The following DISC1 variants were observed in gnomAD, a reference collection of about 807,000 sequenced individuals.
DISC1 encodes the protein disrupted in schizophrenia 1 protein.
DISC1 carries 57 observed loss-of-function variants against 84.5 expected under a neutral mutation model. The observed-to-expected ratio is 0.67, with a 90% CI of 0.55 to 0.84. The LOEUF is 0.84. Ranked by LOEUF, DISC1 falls within the 40% of genes least tolerant of loss-of-function variation. The pLI is 0.00. For missense variants in DISC1, 1,000 were observed against 1,057.8 expected (o/e 0.95, Z 0.76); for synonymous variants, 411 against 415.2 (o/e 0.99, Z 0.12).
At chr1:232,026,674 C>G in intron 12 of DISC1, 122 bp downstream of exon 12, 3 of 702,008 alleles carry the variant, frequency 4.3e-6, no homozygotes, top group African/African-American at 1.8e-5. Flanking sequence ...ATTTATAGCA[C>G]AGAGCACCTC....
chr1:232,020,314 C>T (rs1668847342), intron 11 of DISC1, among the ~76,000 whole-genome samples: 2 of 152,066 alleles, frequency 1.3e-5, no homozygotes, highest in Admixed American at 6.6e-5. Flanking sequence ...TGCACTCCAG[C>T]CTGGGCAACA....
Position 231,897,929 on chromosome 1 carries a change from A to G in DISC1, c.1982-60899A>G, listed in dbSNP as rs2087834157. On this transcript the variant is annotated intron_variant, in intron 9 of 12. Transcript: ENST00000439617. This position sits in a 1 kb window ranked among gnomAD's most constrained non-coding sequence, Gnocchi z 4.5. ...TGGGGCAGGGGAGAGGTGGCCCTCGATTAAATATATACGAGCAAGTATTTA... is the reference window on the plus strand; with the variant it reads ...TGGGGCAGGGGAGAGGTGGCCCTCGGTTAAATATATACGAGCAAGTATTTA... Among the ~76,000 whole-genome samples the G allele has an allele frequency of 6.6e-6, 1 of 152,210 alleles. No individual in the cohort carries two copies. The highest frequency in any genetic ancestry group is 6.5e-5 in the Admixed American group (1 of 15,274).
At chr1:231,726,605 T>G (rs1212983243) in intron 3 of DISC1, among the ~76,000 whole-genome samples, 1 of 152,080 alleles carries the variant, frequency 6.6e-6, no homozygotes, top group African/African-American at 2.4e-5. Context: ...CGGGCTGTAT[T>G]CCCTCCCTAC....
chr1:231,681,687 A>T (rs1328205929), intron 1 of DISC1, among the ~76,000 whole-genome samples: 1 of 152,086 alleles, frequency 6.6e-6, no homozygotes, highest in Non-Finnish European at 1.5e-5. Flanking sequence ...ACAGGAGAAT[A>T]GGCATAGACA....
intron 9 of DISC1, among the ~76,000 whole-genome samples, chr1:231,892,091 C>T (rs2087275541): frequency 2.0e-5 from 3 of 152,134 alleles, no homozygotes; most frequent in Admixed American, 1.3e-4. Flanking sequence ...CAGTTGCTGG[C>T]ATTGATTGCT....
At chr1:231,657,493 C>A (rs956649646) in intron 1 of DISC1, among the ~76,000 whole-genome samples, 2 of 152,048 alleles carry the variant, frequency 1.3e-5, no homozygotes, top group African/African-American at 4.8e-5. Context: ...TAATTAGATA[C>A]CATTTGTAGG....
chr1:231,955,486 CTTTTTTTT>C (rs200610198), intron 9 of DISC1, among the ~76,000 whole-genome samples: 2 of 133,322 alleles, frequency 1.5e-5, no homozygotes, highest in Admixed American at 7.6e-5. Flanking sequence ...TCATTCTTGA[CTTTTTTTT>C]TTTTTTTTTT....
chr1:231,915,995 G>A (rs1337356068), intron 9 of DISC1, among the ~76,000 whole-genome samples: 1 of 152,106 alleles, frequency 6.6e-6, no homozygotes, highest in Non-Finnish European at 1.5e-5. Flanking sequence ...TGCAGGGGGT[G>A]GATTATACAG....
At chr1:231,665,174 T>G (rs952988258) in intron 1 of DISC1, among the ~76,000 whole-genome samples, 2 of 152,218 alleles carry the variant, frequency 1.3e-5, no homozygotes, top group African/African-American at 4.8e-5. Flanking sequence ...CCACCTACAT[T>G]GCTATTGTGG....
chr1:231,768,249 G>A (rs1183816945), intron 5 of DISC1, among the ~76,000 whole-genome samples: 2 of 152,160 alleles, frequency 1.3e-5, no homozygotes, highest in African/African-American at 4.8e-5. Context: ...GACTTCATGG[G>A]AAGAGCATAG....
intron 9 of DISC1, chr1:231,941,196 G>T (rs2091318753): frequency 6.6e-6 from 1 of 152,178 alleles, no homozygotes; most frequent in Admixed American, 6.5e-5. Context: ...GAGTTTTTGG[G>T]CTTCTTGCAG....
At chr1:231,729,476 T>A (rs2071224625) in intron 3 of DISC1, among the ~76,000 whole-genome samples, 1 of 152,222 alleles carries the variant, frequency 6.6e-6, no homozygotes, top group Non-Finnish European at 1.5e-5. Context: ...CATTGCTCTT[T>A]ATTAGTTATT....
At chr1:231,657,423 T>A (rs1311325529) in intron 1 of DISC1, among the ~76,000 whole-genome samples, 1 of 152,174 alleles carries the variant, frequency 6.6e-6, no homozygotes, top group Non-Finnish European at 1.5e-5. Flanking sequence ...GCTGGATGTA[T>A]GTCTTCTTTT....
intron 9 of DISC1, 25 bp downstream of exon 9, chr1:231,818,542 G>T (rs771685874): frequency 6.2e-7 from 1 of 1,613,502 alleles, no homozygotes; most frequent in Non-Finnish European, 8.5e-7. Context: ...ACTGTTCCCC[G>T]GCAAGATATT....
chr1:231,757,023 G>T (rs1165377843), intron 4 of DISC1, among the ~76,000 whole-genome samples: 1 of 152,144 alleles, frequency 6.6e-6, no homozygotes, highest in Admixed American at 6.5e-5. Context: ...AGCCTGGACA[G>T]AAACCGCTCT....
At chr1:231,866,550 G>A (rs576072257) in intron 9 of DISC1, 3 of 923,526 alleles carry the variant, frequency 3.2e-6, no homozygotes, top group Non-Finnish European at 5.5e-6. Context: ...GCAGAGTCCT[G>A]GACACAGAGA....
rs747402478 is a variant in DISC1, at chr1:232,026,553, A to G, written c.2425+1A>G. The G allele has an allele frequency of 3.1e-6, 5 of 1,592,588 alleles. No homozygotes were observed. Among genetic ancestry groups the G allele is most frequent in the Non-Finnish European group, 8.6e-7 (1 of 1,166,534 alleles). On this transcript the variant is annotated splice_donor_variant, in intron 12 of 12. Transcript: ENST00000439617. LOFTEE classifies it high-confidence loss of function. ...CACAGTCATGATGAAGATCTCATTCATATCCTTTTCATCTTGCAGATGAAG... is the reference window on the plus strand; with the variant it reads ...CACAGTCATGATGAAGATCTCATTCGTATCCTTTTCATCTTGCAGATGAAG...
At chr1:231,796,786 G>A (rs1158704190) in intron 7 of DISC1, among the ~76,000 whole-genome samples, 1 of 152,078 alleles carries the variant, frequency 6.6e-6, no homozygotes, top group Admixed American at 6.6e-5. Flanking sequence ...CATGATCATA[G>A]CTCACTCAGC....
At chr1:231,903,671 G>T (rs948755089) in intron 9 of DISC1, among the ~76,000 whole-genome samples, 1 of 152,176 alleles carries the variant, frequency 6.6e-6, no homozygotes, top group Non-Finnish European at 1.5e-5. Flanking sequence ...CCAGGCAGAG[G>T]GAGCCTCAAG....
Sources: gnomAD v4.1 joint callset for allele counts (sites outside exome capture counted in the v4.1 genomes callset) on GRCh38, gnomAD v4.1.1 for gene constraint, Gnocchi (gnomAD v3.1) non-coding constraint, MANE v1.5 for transcripts, NCBI Gene and HGNC (gene_info 2026-07-23, HGNC 2026-07-21) for gene names.